FAM174C: variants seen among roughly 807,000 people sequenced by gnomAD.
FAM174C encodes protein FAM174C.
A neutral mutation model predicts 12.3 loss-of-function variants in FAM174C; 19 were observed. The ratio of observed to expected loss-of-function variants is 1.55; its 90% CI spans 1.08 to 2.27. FAM174C has a LOEUF of 2.27. Ranked by LOEUF, FAM174C falls within the 30% of genes most tolerant of loss-of-function variation. FAM174C has a pLI of 0.00. For synonymous variants in FAM174C, 147 were observed against 103.5 expected, an observed-to-expected ratio of 1.42 and a Z score of -2.55; for missense variants, 239 against 190.2, an observed-to-expected ratio of 1.26 and a Z score of -1.51.
intron 2 of FAM174C, 133 bp from the exon 3 acceptor site, chr19:1,278,644 T>G (rs1600044291): frequency 6.7e-7 from 1 of 1,495,770 alleles, no homozygotes; most frequent in Non-Finnish European, 8.9e-7. Flanking sequence ...GGGAGGCCAG[T>G]GGGGGGAGGC....
Position 1,278,774 on chromosome 19 carries a change from C to T in FAM174C, c.*-3C>T, listed in dbSNP as rs2081426801. The T allele has an allele frequency of 6.2e-7, 1 of 1,612,632 alleles. No homozygotes were observed. Among genetic ancestry groups the T allele is most frequent in the Non-Finnish European group, 8.5e-7 (1 of 1,179,816 alleles). On this transcript the variant is annotated splice_polypyrimidine_tract_variant and splice_region_variant and intron_variant, in intron 2 of 2. Transcript: ENST00000409293. ...CCTCTCACCCTTGACCCCCTGCTTT[C>T]AGATGCTGAGCCAGGGAGGCGGCCC...
chr19:1,275,837 C>G lies in FAM174C; in HGVS notation c.281+7C>G. On this transcript the variant is annotated splice_region_variant and intron_variant, in intron 1 of 2. Coordinates refer to ENST00000409293, the MANE Select transcript of FAM174C (RefSeq NM_017914.4). ...TCCTGATCCGGGCGTTTAGGTGCGT[C>G]AGGCGCACGTGGGCGCCGTCTCTCA... The G allele has an allele frequency of 3.3e-6, 5 of 1,535,638 alleles. No homozygotes were observed. Among genetic ancestry groups the G allele is most frequent in the Non-Finnish European group, 4.4e-6 (5 of 1,146,074 alleles).
At chr19:1,278,699 G>T in intron 2 of FAM174C, 78 bp from the exon 3 acceptor site, 1 of 1,588,154 alleles carries the variant, frequency 6.3e-7, no homozygotes, top group African/African-American at 1.3e-5. Flanking sequence ...GCCTGCCCCT[G>T]CCTGACCTGG....
intron 1 of FAM174C, 100 bp downstream of exon 1, chr19:1,275,930 CCCTCCCTCCCT>C: frequency 9.5e-7 from 1 of 1,047,888 alleles, no homozygotes. Flanking sequence ...CTCCCTCCCT[CCCTCCCTCCCT>C]CTCTCCCTGT....
chr19:1,278,696 C>T, intron 2 of FAM174C, 81 bp from the exon 3 acceptor site: 2 of 1,584,238 alleles, frequency 1.3e-6, no homozygotes, highest in Admixed American at 1.8e-5. Context: ...GCTGCCTGCC[C>T]CTGCCTGACC....
At chr19:1,278,628 C>G (rs1465209408) in intron 2 of FAM174C, 149 bp from the exon 3 acceptor site, 1 of 1,463,738 alleles carries the variant, frequency 6.8e-7, no homozygotes, top group East Asian at 2.5e-5. Context: ...CCCAGGAGGC[C>G]GGGGAGGGAG....
At chr19:1,276,950 C>T (rs1478265818) in intron 1 of FAM174C, 4 of 473,816 alleles carry the variant, frequency 8.4e-6, no homozygotes, top group Non-Finnish European at 1.0e-5. Flanking sequence ...GGGGTCCTGG[C>T]GCAGGGGAGA....
intron 1 of FAM174C, 164 bp from the exon 2 acceptor site, chr19:1,277,019 A>T: frequency 9.1e-7 from 1 of 1,099,396 alleles, no homozygotes; most frequent in South Asian, 1.8e-5. Context: ...AGTGAATGGT[A>T]ATCACTTGGC....
At chr19:1,275,935 C>CCTCCCTCCCTCTCTCCCTCT in intron 1 of FAM174C, 105 bp downstream of exon 1, 1 of 1,058,854 alleles carries the variant, frequency 9.4e-7, no homozygotes. Context: ...TCCCTCCCTC[C>CCTCCCTCCCTCTCTCCCTCT]CTCCCTCTCT....
chr19:1,275,555 G>T lies in FAM174C; in HGVS notation c.6G>T (p.Gly2=). 1 of 1,216,652 alleles carries T rather than the reference G, an allele frequency of 8.2e-7. No individual in the cohort carries two copies. Among genetic ancestry groups the T allele is most frequent in the Non-Finnish European group, 1.0e-6 (1 of 979,276 alleles). The allele number at this position is 1,216,652 out of a possible 1,614,324, so 75.4% of individuals were successfully genotyped here. M[G]PRVLQPPLLL... is the part of the protein sequence containing the mutation. Reference sequence around the variant, plus strand: ...GCCACCGCTTCCGCCGGGCCATGGGGCCGCGCGTGCTGCAGCCGCCGCTGC... The same window carrying T: ...GCCACCGCTTCCGCCGGGCCATGGGTCCGCGCGTGCTGCAGCCGCCGCTGC... Residue 2 remains glycine (G), a synonymous_variant, in exon 1 of 3, where the codon GGG becomes GGT. Transcript: ENST00000409293.
chr19:1,276,750 G>A (rs1456205058), intron 1 of FAM174C: 1 of 156,720 alleles, frequency 6.4e-6, no homozygotes, highest in African/African-American at 2.4e-5. Flanking sequence ...ACCTCTTCCT[G>A]TGGAAGCACC....
Position 1,278,919 on chromosome 19 carries a change from G to C in FAM174C, c.*142G>C, listed in dbSNP as rs1328407386. ...CTGGTCTCACCCAGTGCCAACCCGA[G>C]AGCTCCTTTTGGAACCTGCACAGCC... On this transcript the variant is annotated 3_prime_UTR_variant, in exon 3 of 3. Transcript: ENST00000409293. 1 of 1,613,230 alleles carries C rather than the reference G, an allele frequency of 6.2e-7. No individual in the cohort carries two copies. Among genetic ancestry groups the C allele is most frequent in the African/African-American group, 1.3e-5 (1 of 75,054 alleles).
chr19:1,278,921 G>GCCCGC lies in FAM174C; in HGVS notation c.*145_*146insCCGCC. On this transcript the variant is annotated 3_prime_UTR_variant, in exon 3 of 3. Transcript: ENST00000409293. ...GGTCTCACCCAGTGCCAACCCGAGA[G>GCCCGC]CTCCTTTTGGAACCTGCACAGCCCG... The GCCCGC allele has an allele frequency of 6.2e-7, 1 of 1,613,206 alleles. No homozygotes were observed. The highest frequency in any genetic ancestry group is 1.3e-5 in the African/African-American group (1 of 75,036).
chr19:1,275,573 G>A lies in FAM174C; in HGVS notation c.24G>A (p.Pro8=), dbSNP rs1191433981. The change falls in exon 1 of 3, where the codon CCG becomes CCA. Residue 8 remains proline (P), a synonymous_variant. Transcript: ENST00000409293. ...CCATGGGGCCGCGCGTGCTGCAGCC[G>A]CCGCTGCTGCTGCTCCTGCTGGCGC... MGPRVLQ[P]PLLLLLLALL... 7 of 1,221,628 alleles carry A rather than the reference G, an allele frequency of 5.7e-6. No homozygotes were observed. Among genetic ancestry groups the A allele is most frequent in the Non-Finnish European group, 7.1e-6 (7 of 983,040 alleles). 75.7% of individuals were successfully genotyped at this position (1,221,628 alleles called of 1,614,324 possible). A position where few individuals can be genotyped will look rare whatever the true frequency, so the allele number is the denominator to read the frequency against.
chr19:1,275,705 C>T lies in FAM174C; in HGVS notation c.156C>T (p.Gly52=), dbSNP rs757857161. The change falls in exon 1 of 3, where the codon GGC becomes GGT. Residue 52 remains glycine (G), a synonymous_variant. Transcript: ENST00000409293. ...CCGTGACGAACGGGAGCCAGCCGGG[C>T]GCGCCACACAACAGCACGCACACGC... ...PPAVTNGSQP[G]APHNSTHTRP... 6.7e-7 allele frequency: 1 copy of T among 1,489,738 alleles called. No individual in the cohort carries two copies. The highest frequency in any genetic ancestry group is 1.3e-5 in the South Asian group (1 of 78,394). The allele number at this position is 1,489,738 out of a possible 1,614,324, so 92.3% of individuals were successfully genotyped here. A position where few individuals can be genotyped will look rare whatever the true frequency, so the allele number is the denominator to read the frequency against.
At chr19:1,278,477 C>T (rs1416353944) in intron 2 of FAM174C, among the ~76,000 whole-genome samples, 1 of 152,082 alleles carries the variant, frequency 6.6e-6, no homozygotes, top group Admixed American at 6.5e-5. Flanking sequence ...CCTCTGGGGA[C>T]AGCTCTGACT....
At chr19:1,278,628 C>CAGTGG in intron 2 of FAM174C, 149 bp from the exon 3 acceptor site, 1 of 1,463,738 alleles carries the variant, frequency 6.8e-7, no homozygotes, top group Non-Finnish European at 9.1e-7. Flanking sequence ...CCCAGGAGGC[C>CAGTGG]GGGGAGGGAG....
intron 2 of FAM174C, 27 bp downstream of exon 2, chr19:1,277,326 C>A: frequency 6.5e-7 from 1 of 1,528,106 alleles, no homozygotes; most frequent in Non-Finnish European, 8.9e-7. Context: ...AGCTCTGGGG[C>A]CTCGGTGGGC....
chr19:1,279,060 G>T lies in FAM174C; in HGVS notation c.*283G>T, dbSNP rs755581431. On this transcript the variant is annotated 3_prime_UTR_variant, in exon 3 of 3. Coordinates refer to ENST00000409293, the MANE Select transcript of FAM174C (RefSeq NM_017914.4). ...GACTGGAGGGACCCCAACAGCCACC[G>T]CCCAGGACGCTGAGGCTCCCTTGCC... 1 of 1,611,934 alleles carries T rather than the reference G, an allele frequency of 6.2e-7. No homozygotes were observed.
Sources: allele counts gnomAD v4.1 joint callset (sites outside exome capture counted in the v4.1 genomes callset), GRCh38; gene constraint gnomAD v4.1.1; transcripts MANE v1.5; gene names NCBI Gene and HGNC (gene_info 2026-07-23, HGNC 2026-07-21).